TUT4: variants seen among roughly 807,000 people sequenced by gnomAD.
The protein encoded by TUT4 is terminal uridylyl transferase 4.
TUT4 carries 36 observed loss-of-function variants against 192.2 expected under a neutral mutation model. That is an observed-to-expected ratio of 0.19 (90% CI 0.14 to 0.25). The LOEUF (loss-of-function observed/expected upper bound fraction) is 0.25, where lower values mean the gene tolerates loss of function less well. Ranked by LOEUF, TUT4 falls within the 10% of genes least tolerant of loss-of-function variation. TUT4 has a pLI of 1.00. For synonymous variants in TUT4, 618 were observed against 666.0 expected, an observed-to-expected ratio of 0.93 and a Z score of 1.11; for missense variants, 1,493 against 1,957.2, an observed-to-expected ratio of 0.76 and a Z score of 4.47.
At chr1:52,549,241 C>T (rs1415694050) in intron 1 of TUT4, among the ~76,000 whole-genome samples, 1 of 152,158 alleles carries the variant, frequency 6.6e-6, no homozygotes, top group Non-Finnish European at 1.5e-5. Context: ...GGTGATCTCA[C>T]AAGATAAAAA....
intron 12 of TUT4, 91 bp downstream of exon 12, chr1:52,477,617 G>A (rs1291677842): frequency 1.6e-6 from 2 of 1,238,286 alleles, no homozygotes; most frequent in Admixed American, 2.4e-5. Context: ...TATATATAGT[G>A]CCACAAAGCC....
chr1:52,497,191 T>C lies in TUT4; in HGVS notation c.1000-8A>G. 6.3e-7 allele frequency: 1 copy of C among 1,591,094 alleles called. No homozygotes were observed. The highest frequency in any genetic ancestry group is 8.5e-7 in the Non-Finnish European group (1 of 1,173,304). ...ACTTTCTTCTTGTTTTTCCTATTAA[T>C]GTAATGATTCACAACAATAAAAACA... On this transcript the variant is annotated splice_region_variant and splice_polypyrimidine_tract_variant and intron_variant, in intron 4 of 29. Transcript: ENST00000257177.
chr1:52,455,502 A>T (rs6687100), intron 20 of TUT4, among the ~76,000 whole-genome samples: 1 of 150,178 alleles, frequency 6.7e-6, no homozygotes, highest in African/African-American at 2.5e-5. Context: ...CCAGCTATTC[A>T]GGAGGCTGAG....
rs112496706 is a variant in TUT4, at chr1:52,523,955, T to C, written c.718+1608A>G. Among the ~76,000 whole-genome samples the C allele has an allele frequency of 4.6e-5, 7 of 152,282 alleles. No individual in the cohort carries two copies. The South Asian group carries it at 8.3e-4, about 18-fold the overall frequency. On this transcript the variant is annotated intron_variant, in intron 2 of 29. Coordinates refer to ENST00000257177, the MANE Select transcript of TUT4 (RefSeq NM_001009881.3). ...TTTTATTTCTACATCAAGATAACGCTGTATTTTTCCAGCCATGAAAACACT... is the reference window on the plus strand; with the variant it reads ...TTTTATTTCTACATCAAGATAACGCCGTATTTTTCCAGCCATGAAAACACT...
rs551245431 is a variant in TUT4 at position 52,537,434 on chromosome 1, A to G, written c.-93-11061T>C. On this transcript the variant is annotated intron_variant, in intron 1 of 29. Transcript: ENST00000257177. Reference sequence around the variant, plus strand: ...AAAAGGTTCAATCCAGCAAGGACATATAACAGTTATAAACATATGCACCTA... The same window carrying G: ...AAAAGGTTCAATCCAGCAAGGACATGTAACAGTTATAAACATATGCACCTA... Among the ~76,000 whole-genome samples the G allele has an allele frequency of 2.6e-5, 4 of 152,210 alleles. No individual in the cohort carries two copies. The East Asian group carries it at 5.8e-4, about 22-fold the overall frequency.
chr1:52,493,897 A>G (rs1408108294), intron 6 of TUT4, among the ~76,000 whole-genome samples: 1 of 151,840 alleles, frequency 6.6e-6, no homozygotes, highest in East Asian at 1.9e-4. Context: ...CTGGGCTCAA[A>G]GACTCCTCCT....
At chr1:52,450,991 C>T (rs896276636) in intron 20 of TUT4, among the ~76,000 whole-genome samples, 6 of 152,262 alleles carry the variant, frequency 3.9e-5, no homozygotes, top group Middle Eastern at 3.4e-3. Context: ...GTAGGCTGGG[C>T]GCGGTGGCAC....
At position 52,431,478 on chromosome 1, in the gene TUT4, A is replaced by T. The variant is rs573265638; in HGVS notation, c.4264-18T>A. On this transcript the variant is annotated intron_variant, in intron 27 of 29. Coordinates refer to ENST00000257177, the MANE Select transcript of TUT4 (RefSeq NM_001009881.3). ...GATTCAGACTGCAGACAAAAAAAAA[A>T]TTTTTTTTAATTAATTTATAAACAT... 5,577 of 1,432,736 alleles carry T rather than the reference A, an allele frequency of 3.9e-3. 154 individuals are homozygous for T. In the African/African-American group the frequency reaches 0.066, roughly 17 times the overall value. The allele number at this position is 1,432,736 out of a possible 1,614,324, so 88.8% of individuals were successfully genotyped here.
intron 27 of TUT4, chr1:52,432,130 TAGACTCACGC>T (rs1006967891): frequency 1.3e-5 from 2 of 152,184 alleles, no homozygotes; most frequent in Non-Finnish European, 2.9e-5. Context: ...CATGTATAAG[TAGACTCACGC>T]AGTTCAAACC....
intron 2 of TUT4, among the ~76,000 whole-genome samples, chr1:52,521,135 G>T (rs1235160812): frequency 6.6e-6 from 1 of 151,946 alleles, no homozygotes; most frequent in Non-Finnish European, 1.5e-5. Flanking sequence ...TTTGTTATCT[G>T]TTTCATCCCA....
At chr1:52,522,987 CTTTTTT>C (rs748149518) in intron 2 of TUT4, among the ~76,000 whole-genome samples, 2 of 89,584 alleles carry the variant, frequency 2.2e-5, no homozygotes, top group South Asian at 4.5e-4. Context: ...CCTTAACTAT[CTTTTTT>C]TTTTTTTTTT....
At chr1:52,490,150 CTT>C (rs34451806) in intron 8 of TUT4, among the ~76,000 whole-genome samples, 12 of 120,324 alleles carry the variant, frequency 1.0e-4, no homozygotes, top group Admixed American at 2.8e-4. Context: ...AGAAGAGAGG[CTT>C]TTTTTTTTTT....
intron 7 of TUT4, among the ~76,000 whole-genome samples, chr1:52,493,233 GC>G (rs1344839242): frequency 1.3e-5 from 2 of 152,108 alleles, no homozygotes; most frequent in Admixed American, 6.5e-5. Flanking sequence ...ACAGGTACGT[GC>G]CACCACGCCT....
intron 1 of TUT4, among the ~76,000 whole-genome samples, chr1:52,532,383 T>C (rs536228365): frequency 6.6e-6 from 1 of 152,008 alleles, no homozygotes; most frequent in African/African-American, 2.4e-5. Flanking sequence ...TGGAGTGCAG[T>C]GGCGTGCAGT....
intron 11 of TUT4, among the ~76,000 whole-genome samples, chr1:52,478,838 C>T (rs571395143): frequency 6.6e-6 from 1 of 152,120 alleles, no homozygotes; most frequent in African/African-American, 2.4e-5. Flanking sequence ...TCATTGAGTG[C>T]CTACTTTGTG....
At chr1:52,460,795 CTT>C (rs1204928345) in intron 19 of TUT4, among the ~76,000 whole-genome samples, 2 of 152,268 alleles carry the variant, frequency 1.3e-5, no homozygotes, top group East Asian at 3.9e-4. Flanking sequence ...GTCAGAAAAA[CTT>C]ATCACTAAAC....
rs538294797 is a variant in TUT4, at chr1:52,528,592, T to C, written c.-93-2219A>G. Among the ~76,000 whole-genome samples, 21 of 152,184 alleles carry C rather than the reference T, an allele frequency of 1.4e-4. No homozygotes were observed. The South Asian group carries it at 4.4e-3, about 32-fold the overall frequency. On this transcript the variant is annotated intron_variant, in intron 1 of 29. Coordinates refer to ENST00000257177, the MANE Select transcript of TUT4 (RefSeq NM_001009881.3). Reference sequence around the variant, plus strand: ...ATTCAGATCCGTTTCTAAACAAACATTAATAATATGAATAAAAATTAGAGT... The same window carrying C: ...ATTCAGATCCGTTTCTAAACAAACACTAATAATATGAATAAAAATTAGAGT...
chr1:52,477,566 C>T, intron 12 of TUT4, 142 bp downstream of exon 12: 1 of 859,416 alleles, frequency 1.2e-6, no homozygotes. Flanking sequence ...GACCCTGTCT[C>T]TAAAAAAATT....
intron 2 of TUT4, among the ~76,000 whole-genome samples, chr1:52,521,835 G>A (rs1474475165): frequency 6.6e-6 from 1 of 151,786 alleles, no homozygotes; most frequent in Non-Finnish European, 1.5e-5. Flanking sequence ...GTGGTGGCAT[G>A]CACCTGTAAA....
Sources: gnomAD v4.1 joint callset for allele counts (sites outside exome capture counted in the v4.1 genomes callset) on GRCh38, gnomAD v4.1.1 for gene constraint, MANE v1.5 for transcripts, NCBI Gene and HGNC (gene_info 2026-07-23, HGNC 2026-07-21) for gene names.